Variants in GLIS3 observed in about 807,000 individuals in gnomAD.
GLIS3 encodes the protein GLIS family zinc finger 3.
Under a neutral mutation model 78.6 loss-of-function variants are expected in GLIS3, and 53 were observed. The observed-to-expected ratio is 0.67, with a 90% CI of 0.54 to 0.85. The LOEUF (loss-of-function observed/expected upper bound fraction) is 0.85. Ranked by LOEUF, GLIS3 falls within the 40% of genes least tolerant of loss-of-function variation. GLIS3 has a pLI of 0.00. For synonymous variants in GLIS3, 684 were observed against 509.9 expected (o/e 1.34, Z -4.60); for missense variants, 1,703 against 1,231.1 (o/e 1.38, Z -5.74).
At chr9:4,132,564 T>C (rs1237433029) in intron 2 of GLIS3, among the ~76,000 whole-genome samples, 1 of 152,074 alleles carries the variant, frequency 6.6e-6, no homozygotes, top group African/African-American at 2.4e-5. Flanking sequence ...ACGTTATTGT[T>C]CGTTATCTGA....
chr9:4,464,545 C>A, the GLIS3 span, among the ~76,000 whole-genome samples: 1 of 152,038 alleles, frequency 6.6e-6, no homozygotes, highest in Admixed American at 6.6e-5. Flanking sequence ...CAAGTGCCCA[C>A]CACAACACCA....
rs1001840913 is a variant in GLIS3 at position 4,110,555 on chromosome 9, A to T, written c.1710+7213T>A. On this transcript the variant is annotated intron_variant, in intron 4 of 10. Coordinates refer to ENST00000381971, the MANE Select transcript of GLIS3 (RefSeq NM_001042413.2). ...CAGGTTTCATTCCACTTTCTCACCA[A>T]ACCCCTATCTATGCCAACCTCCTAT... Among the ~76,000 whole-genome samples, 13 of 152,282 alleles carry T rather than the reference A, an allele frequency of 8.5e-5. 1 individual carries two copies. The South Asian group carries it at 1.7e-3, about 19-fold the overall frequency.
At chr9:4,097,893 T>C (rs1830084742) in intron 4 of GLIS3, among the ~76,000 whole-genome samples, 1 of 152,206 alleles carries the variant, frequency 6.6e-6, no homozygotes, top group Non-Finnish European at 1.5e-5. Flanking sequence ...AAAGTCTGAA[T>C]TCTAACATAT....
Position 4,279,464 on chromosome 9 carries a change from T to A in GLIS3, c.388+6574A>T, listed in dbSNP as rs538515116. 3.4e-5 allele frequency among the ~76,000 whole-genome samples: 5 copies of A among 148,908 alleles called. No individual in the cohort carries two copies. The South Asian group carries it at 1.1e-3, about 32-fold the overall frequency. On this transcript the variant is annotated intron_variant, in intron 2 of 10. Transcript: ENST00000381971. Reference sequence around the variant, plus strand: ...AACTGGAAGAAAAAAAACAATAATATCAACAAAGGACACCAAACTAATTGG... The same window carrying A: ...AACTGGAAGAAAAAAAACAATAATAACAACAAAGGACACCAAACTAATTGG...
intron 2 of GLIS3, among the ~76,000 whole-genome samples, chr9:4,270,587 G>C (rs1398292190): frequency 2.0e-5 from 3 of 152,212 alleles, no homozygotes; most frequent in Admixed American, 2.0e-4. Context: ...CTGCTGGCCA[G>C]AGGTCACACA....
chr9:4,472,719 C>T, the GLIS3 span, among the ~76,000 whole-genome samples: 53,669 of 151,658 alleles, frequency 0.35, 10,290 homozygotes, highest in Middle Eastern at 0.49. Context: ...AACAAACCTG[C>T]ACGTTGTGCA....
At chr9:4,113,102 C>T (rs1165962359) in intron 4 of GLIS3, among the ~76,000 whole-genome samples, 2 of 151,720 alleles carry the variant, frequency 1.3e-5, no homozygotes, top group Non-Finnish European at 2.9e-5. Context: ...ACTATATATA[C>T]CCTTTTGCAC....
At chr9:4,055,523 C>CATT (rs1212247256) in intron 4 of GLIS3, among the ~76,000 whole-genome samples, 1 of 152,118 alleles carries the variant, frequency 6.6e-6, no homozygotes, top group Non-Finnish European at 1.5e-5. Flanking sequence ...TAAAATATGT[C>CATT]ATTACACTGT....
intron 4 of GLIS3, among the ~76,000 whole-genome samples, chr9:3,947,757 A>T (rs1296641602): frequency 6.6e-6 from 1 of 152,240 alleles, no homozygotes; most frequent in African/African-American, 2.4e-5. Flanking sequence ...GCAAGTGGGC[A>T]GGAAAGATGG....
intron 2 of GLIS3, among the ~76,000 whole-genome samples, chr9:4,248,775 G>A (rs1015197602): frequency 6.6e-5 from 10 of 152,084 alleles, no homozygotes; most frequent in African/African-American, 9.7e-5. Context: ...TTTAATGACC[G>A]CCATTCCAAC....
At chr9:4,454,929 C>T in the GLIS3 span, among the ~76,000 whole-genome samples, 1 of 152,048 alleles carries the variant, frequency 6.6e-6, no homozygotes, top group Non-Finnish European at 1.5e-5. Context: ...TACATTTTTC[C>T]TTAATTTTTC....
intron 4 of GLIS3, among the ~76,000 whole-genome samples, chr9:4,104,368 T>C (rs1250840082): frequency 6.6e-6 from 1 of 152,158 alleles, no homozygotes; most frequent in Non-Finnish European, 1.5e-5. Context: ...AATTCAGGTC[T>C]ACCTATGTTT....
the GLIS3 span, among the ~76,000 whole-genome samples, chr9:4,364,756 C>CTTTTTTTTTT: frequency 3.4e-4 from 21 of 61,098 alleles, 3 homozygotes; most frequent in Non-Finnish European, 4.3e-4. Flanking sequence ...TCATGTATTG[C>CTTTTTTTTTT]TTTTTTTTTT....
At chr9:4,131,814 G>A (rs746431097) in intron 2 of GLIS3, among the ~76,000 whole-genome samples, 3 of 152,012 alleles carry the variant, frequency 2.0e-5, no homozygotes, top group African/African-American at 7.3e-5. Flanking sequence ...AACATACATA[G>A]AGGACTCAGC....
rs560262519 is a variant in GLIS3 at position 3,991,776 on chromosome 9, C to T, written c.1711-54587G>A. 1.3e-4 allele frequency among the ~76,000 whole-genome samples: 19 copies of T among 148,828 alleles called. 1 individual carries two copies. The highest frequency in any genetic ancestry group is 4.0e-4 in the East Asian group (2 of 5,034). Reference sequence around the variant, plus strand: ...TGGGATCTCGGCTCACTGCAAGCTCCGCCTCCCGGCTTCATGCCATTCTCC... The same window carrying T: ...TGGGATCTCGGCTCACTGCAAGCTCTGCCTCCCGGCTTCATGCCATTCTCC... On this transcript the variant is annotated intron_variant, in intron 4 of 10. Transcript: ENST00000381971.
intron 2 of GLIS3, among the ~76,000 whole-genome samples, chr9:4,226,503 C>T (rs1821780375): frequency 6.6e-6 from 1 of 152,156 alleles, no homozygotes; most frequent in South Asian, 2.1e-4. Flanking sequence ...TCAAACTCCG[C>T]CTCACAGAAA....
At chr9:3,923,351 A>G (rs34728850) in intron 6 of GLIS3, among the ~76,000 whole-genome samples, 6,885 of 152,272 alleles carry the variant, frequency 0.045, 193 homozygotes, top group Non-Finnish European at 0.06. Context: ...TGACACTGCA[A>G]GCCTCACTGT....
chr9:4,397,141 T>G, the GLIS3 span, among the ~76,000 whole-genome samples: 1 of 139,666 alleles, frequency 7.2e-6, no homozygotes, highest in African/African-American at 2.9e-5. Flanking sequence ...TTCTCCTGCC[T>G]CAGCCTCCCG....
the GLIS3 span, among the ~76,000 whole-genome samples, chr9:4,406,284 T>C: frequency 6.6e-6 from 1 of 152,200 alleles, no homozygotes. Flanking sequence ...GAAGTCAAAT[T>C]ATCCTTGTTT....
Sources: gnomAD v4.1 joint callset for allele counts (sites outside exome capture counted in the v4.1 genomes callset) on GRCh38, gnomAD v4.1.1 for gene constraint, MANE v1.5 for transcripts, NCBI Gene and HGNC (gene_info 2026-07-23, HGNC 2026-07-21) for gene names.